Variants in DRC11 observed in about 807,000 individuals in gnomAD.
DRC11 encodes IQ and AAA domain-containing protein 1.
At chr2:236,446,981 C>T in the DRC11 span, among the ~76,000 whole-genome samples, 13 of 149,752 alleles carry the variant, frequency 8.7e-5, no homozygotes, top group East Asian at 2.5e-3. This position sits in a 1 kb window ranked among gnomAD's most constrained non-coding sequence, Gnocchi z 6.2. Context: ...CCTTCTGTGC[C>T]TCATCCCAAT....
At chr2:236,354,371 A>C in the DRC11 span, among the ~76,000 whole-genome samples, 2 of 151,422 alleles carry the variant, frequency 1.3e-5, no homozygotes, top group African/African-American at 2.4e-5. Flanking sequence ...GGTTGGTGCT[A>C]GTAACAGGAA....
chr2:236,335,584 C>T, the DRC11 span, among the ~76,000 whole-genome samples: 3 of 152,128 alleles, frequency 2.0e-5, no homozygotes, highest in African/African-American at 7.2e-5. This position sits in a 1 kb window ranked among gnomAD's most constrained non-coding sequence, Gnocchi z 5.6. Context: ...GGTGTTTTAT[C>T]AAAAGAACAA....
the DRC11 span, among the ~76,000 whole-genome samples, chr2:236,491,587 C>T: frequency 6.6e-6 from 1 of 152,068 alleles, no homozygotes; most frequent in Admixed American, 6.6e-5. Flanking sequence ...CATTTTCCAA[C>T]ACAAAATCTT....
chr2:236,318,643 TATGTGTGC>T, the DRC11 span, among the ~76,000 whole-genome samples: 1 of 104,386 alleles, frequency 9.6e-6, no homozygotes, highest in Non-Finnish European at 2.2e-5. This position sits in a 1 kb window ranked among gnomAD's most constrained non-coding sequence, Gnocchi z 7.0. Context: ...TTTGTGTTTG[TATGTGTGC>T]ATGTGTTTGT....
chr2:236,489,451 G>A, the DRC11 span, among the ~76,000 whole-genome samples: 1 of 151,108 alleles, frequency 6.6e-6, no homozygotes, highest in South Asian at 2.1e-4. Flanking sequence ...GTGCATGCTG[G>A]GGCCTATGTG....
chr2:236,482,031 T>C, the DRC11 span, among the ~76,000 whole-genome samples: 3 of 93,642 alleles, frequency 3.2e-5, no homozygotes, highest in African/African-American at 1.5e-4. This position sits in a 1 kb window ranked among gnomAD's most constrained non-coding sequence, Gnocchi z 4.5. Flanking sequence ...ATTATATGTA[T>C]AATTCTAGGT....
the DRC11 span, among the ~76,000 whole-genome samples, chr2:236,495,718 C>G: frequency 8.5e-5 from 13 of 152,168 alleles, no homozygotes; most frequent in East Asian, 1.9e-4. The surrounding 1 kb of genome is among the most constrained non-coding windows in gnomAD (Gnocchi z 5.6). Context: ...AATGAAGATG[C>G]CTTCAGCCCA....
At chr2:236,430,474 CTAA>C in the DRC11 span, among the ~76,000 whole-genome samples, 1 of 152,090 alleles carries the variant, frequency 6.6e-6, no homozygotes, top group Non-Finnish European at 1.5e-5. The surrounding 1 kb of genome is among the most constrained non-coding windows in gnomAD (Gnocchi z 6.0). Flanking sequence ...CGTTTTTCAC[CTAA>C]TAATATATCT....
At chr2:236,424,214 G>C in the DRC11 span, among the ~76,000 whole-genome samples, 1 of 151,936 alleles carries the variant, frequency 6.6e-6, no homozygotes, top group Admixed American at 6.6e-5. Context: ...AAAACTTTCA[G>C]AAATGTAAAG....
chr2:236,417,559 CT>C, the DRC11 span, among the ~76,000 whole-genome samples: 466 of 144,306 alleles, frequency 3.2e-3, no homozygotes, highest in African/African-American at 5.1e-3. Context: ...GGATCATGAT[CT>C]TTTTTTTTTT....
the DRC11 span, among the ~76,000 whole-genome samples, chr2:236,315,493 C>T: frequency 1.3e-5 from 2 of 152,150 alleles, no homozygotes; most frequent in African/African-American, 4.8e-5. The surrounding 1 kb of genome is among the most constrained non-coding windows in gnomAD (Gnocchi z 5.1). Context: ...CCCAGCAATC[C>T]CGTTACTAGG....
At chr2:236,365,570 G>A in the DRC11 span, among the ~76,000 whole-genome samples, 1 of 152,136 alleles carries the variant, frequency 6.6e-6, no homozygotes, top group Admixed American at 6.5e-5. The surrounding 1 kb of genome is among the most constrained non-coding windows in gnomAD (Gnocchi z 7.4). Flanking sequence ...GGTAGAGGAA[G>A]GAGAGAACAG....
chr2:236,438,713 C>T, the DRC11 span, among the ~76,000 whole-genome samples: 5 of 152,104 alleles, frequency 3.3e-5, no homozygotes, highest in Non-Finnish European at 7.4e-5. Flanking sequence ...CTGCACCAAG[C>T]GGACCTAATA....
chr2:236,424,967 G>A, the DRC11 span, among the ~76,000 whole-genome samples: 1 of 152,008 alleles, frequency 6.6e-6, no homozygotes, highest in African/African-American at 2.4e-5. Flanking sequence ...CTGGGTTCAT[G>A]CATGTTGTCA....
the DRC11 span, among the ~76,000 whole-genome samples, chr2:236,491,987 G>A: frequency 3.9e-5 from 6 of 152,102 alleles, no homozygotes; most frequent in South Asian, 2.1e-4. Flanking sequence ...TACTGTTATC[G>A]GGGGAATAGC....
chr2:236,442,283 CTT>C, the DRC11 span, among the ~76,000 whole-genome samples: 3 of 152,130 alleles, frequency 2.0e-5, no homozygotes, highest in East Asian at 3.9e-4. Context: ...TTTCAAGTCT[CTT>C]TTGTGTCTGG....
the DRC11 span, among the ~76,000 whole-genome samples, chr2:236,394,413 C>A: frequency 0.44 from 67,339 of 151,506 alleles, 15,372 homozygotes; most frequent in African/African-American, 0.51. The surrounding 1 kb of genome is among the most constrained non-coding windows in gnomAD (Gnocchi z 7.0). Context: ...TGGGCAGATC[C>A]CGAGATCAGG....
chr2:236,459,589 G>GTACGTA, the DRC11 span, among the ~76,000 whole-genome samples: 182 of 125,238 alleles, frequency 1.5e-3, 2 homozygotes, highest in Non-Finnish European at 2.2e-3. Context: ...ACGTATATAC[G>GTACGTA]TATACGTATA....
chr2:236,503,813 C>T, the DRC11 span: 12,062 of 962,400 alleles, frequency 0.013, 415 homozygotes, highest in Admixed American at 0.079. The surrounding 1 kb of genome is among the most constrained non-coding windows in gnomAD (Gnocchi z 4.9). Flanking sequence ...CTGGGGAGCC[C>T]CCACTTTGCG....
Sources: allele counts gnomAD v4.1 joint callset (sites outside exome capture counted in the v4.1 genomes callset), GRCh38; gene constraint gnomAD v4.1.1; non-coding constraint Gnocchi (gnomAD v3.1); transcripts MANE v1.5; gene names NCBI Gene and HGNC (gene_info 2026-07-23, HGNC 2026-07-21).